PIBF1: variants seen among roughly 807,000 people sequenced by gnomAD.
PIBF1 encodes progesterone immunomodulatory binding factor 1.
In PIBF1, 90 loss-of-function variants were observed where a neutral mutation model predicts 112.5. That is an observed-to-expected ratio of 0.80 (90% CI 0.67 to 0.95). The LOEUF is 0.95. Among genes scored for constraint, PIBF1 ranks in the 40% least tolerant of loss-of-function variants. The pLI, the probability that PIBF1 is intolerant of heterozygous loss-of-function variation, is 0.00. For synonymous variants in PIBF1, 301 were observed against 288.6 expected (o/e 1.04, Z -0.44); for missense variants, 915 against 852.3 (o/e 1.07, Z -0.92).
rs112520261 is a variant in PIBF1 at position 72,977,553 on chromosome 13, G to A, written c.2049+3878G>A. On this transcript the variant is annotated intron_variant, in intron 16 of 17. Transcript: ENST00000326291. ...AGTGTCACTTAGTTCTGATTAGGCT[G>A]TATGTGTTCATGTAATGTGAAGTAA... 6.9e-3 allele frequency among the ~76,000 whole-genome samples: 1,057 copies of A among 152,298 alleles called. 23 individuals carry two copies. The highest frequency in any genetic ancestry group is 0.024 in the African/African-American group (993 of 41,554).
intron 4 of PIBF1, among the ~76,000 whole-genome samples, chr13:72,795,996 T>C (rs1000318791): frequency 2.0e-5 from 3 of 152,164 alleles, no homozygotes; most frequent in African/African-American, 7.2e-5. Flanking sequence ...AGGATTAATC[T>C]ATGGCAGTGG....
chr13:72,890,738 A>G (rs2040024162), intron 10 of PIBF1, among the ~76,000 whole-genome samples: 1 of 152,198 alleles, frequency 6.6e-6, no homozygotes, highest in South Asian at 2.1e-4. Context: ...GAGTCAACAA[A>G]GTAAAATGTG....
chr13:72,884,281 A>G (rs2039758259), intron 10 of PIBF1, among the ~76,000 whole-genome samples: 1 of 152,192 alleles, frequency 6.6e-6, no homozygotes, highest in Non-Finnish European at 1.5e-5. Flanking sequence ...TGCCAATTCA[A>G]GTTTCCTCTT....
intron 10 of PIBF1, among the ~76,000 whole-genome samples, chr13:72,882,805 T>C (rs1295714129): frequency 2.6e-5 from 4 of 152,312 alleles, no homozygotes; most frequent in African/African-American, 9.6e-5. Flanking sequence ...CTGATGAGGA[T>C]GTGGAGTAAA....
intron 15 of PIBF1, 84 bp from the exon 16 acceptor site, chr13:72,973,507 T>A: frequency 3.0e-6 from 2 of 669,978 alleles, no homozygotes; most frequent in South Asian, 4.0e-5. Context: ...ATCAGATTCA[T>A]GTTTATTCTT....
chr13:72,960,275 G>A (rs2042570158), intron 14 of PIBF1, among the ~76,000 whole-genome samples: 1 of 152,116 alleles, frequency 6.6e-6, no homozygotes, highest in Non-Finnish European at 1.5e-5. Context: ...GCCGGGCATG[G>A]TGGTGCATGC....
intron 17 of PIBF1, among the ~76,000 whole-genome samples, chr13:73,003,166 T>G (rs983114283): frequency 5.3e-5 from 8 of 152,062 alleles, no homozygotes; most frequent in Admixed American, 4.6e-4. Context: ...TAGATTAAGT[T>G]TATATAATTG....
chr13:72,989,835 A>G (rs2138997944), intron 16 of PIBF1, among the ~76,000 whole-genome samples: 1 of 152,256 alleles, frequency 6.6e-6, no homozygotes, highest in East Asian at 1.9e-4. Flanking sequence ...TTGATAATTG[A>G]AGTTGCGCAG....
intron 17 of PIBF1, among the ~76,000 whole-genome samples, chr13:73,009,757 G>A (rs1359504718): frequency 6.6e-6 from 1 of 152,144 alleles, no homozygotes; most frequent in Non-Finnish European, 1.5e-5. Context: ...CTATGAAGTA[G>A]CAAGGCAGTT....
intron 11 of PIBF1, among the ~76,000 whole-genome samples, chr13:72,895,685 C>G (rs995839820): frequency 2.0e-5 from 3 of 151,388 alleles, no homozygotes; most frequent in African/African-American, 7.3e-5. Flanking sequence ...AACAGCCCTT[C>G]TGGACATTAT....
intron 9 of PIBF1, chr13:72,835,971 C>T (rs1280765228): frequency 9.8e-6 from 3 of 307,604 alleles, no homozygotes; most frequent in East Asian, 9.1e-5. Context: ...TGGTGGCGGG[C>T]GCCTGTAATC....
chr13:72,985,401 C>T lies in PIBF1; in HGVS notation c.2049+11726C>T, dbSNP rs369015722. ...AAAAAAAAAAAAAAAAAAGCCAGGGCGGTGGCGGGTGCCTTGTAGTCCCAG... is the reference window on the plus strand; with the variant it reads ...AAAAAAAAAAAAAAAAAAGCCAGGGTGGTGGCGGGTGCCTTGTAGTCCCAG... On this transcript the variant is annotated intron_variant, in intron 16 of 17. Transcript: ENST00000326291. Among the ~76,000 whole-genome samples the T allele has an allele frequency of 7.1e-3, 956 of 135,424 alleles. 12 individuals are homozygous for T. Among genetic ancestry groups the T allele is most frequent in the African/African-American group, 0.025 (923 of 37,140 alleles). 88.8% of individuals were successfully genotyped at this position (135,424 alleles called of 152,430 possible).
At chr13:72,917,358 A>G (rs1011496244) in intron 13 of PIBF1, among the ~76,000 whole-genome samples, 192 bp downstream of exon 13, 4 of 151,902 alleles carry the variant, frequency 2.6e-5, no homozygotes, top group African/African-American at 9.7e-5. Flanking sequence ...AGTGGTTTGT[A>G]GAAGTGTGCA....
intron 5 of PIBF1, among the ~76,000 whole-genome samples, chr13:72,806,644 T>C (rs140382072): frequency 1.1e-4 from 17 of 152,322 alleles, no homozygotes; most frequent in African/African-American, 4.1e-4. Context: ...GTCCTTGTGA[T>C]GGTTTGCGGA....
At chr13:72,818,485 A>G (rs2138103583) in intron 5 of PIBF1, among the ~76,000 whole-genome samples, 1 of 152,226 alleles carries the variant, frequency 6.6e-6, no homozygotes, top group South Asian at 2.1e-4. Flanking sequence ...CTTGCCATCC[A>G]GAACTGATTT....
intron 14 of PIBF1, among the ~76,000 whole-genome samples, chr13:72,952,888 G>GA (rs71102891): frequency 0.78 from 110,491 of 141,258 alleles, 42,962 homozygotes; most frequent in Admixed American, 0.81. Context: ...GTGCCCTTAA[G>GA]AAAAAAAAAA....
chr13:72,853,059 T>A (rs908379805), intron 9 of PIBF1, among the ~76,000 whole-genome samples: 16 of 148,336 alleles, frequency 1.1e-4, no homozygotes, highest in Admixed American at 4.0e-4. Context: ...GAAGGAGATT[T>A]AAAAAAAAAA....
At chr13:72,980,142 G>C (rs926271097) in intron 16 of PIBF1, among the ~76,000 whole-genome samples, 3 of 152,132 alleles carry the variant, frequency 2.0e-5, no homozygotes, top group African/African-American at 7.2e-5. Context: ...GGAAATGTAG[G>C]TTCTTGTGCC....
chr13:72,863,953 G>T (rs1301748933), intron 10 of PIBF1, among the ~76,000 whole-genome samples: 3 of 152,158 alleles, frequency 2.0e-5, no homozygotes, highest in African/African-American at 7.2e-5. Context: ...TGGTTTAGGG[G>T]TATGTATACT....
Sources: gnomAD v4.1 joint callset for allele counts (sites outside exome capture counted in the v4.1 genomes callset) on GRCh38, gnomAD v4.1.1 for gene constraint, MANE v1.5 for transcripts, NCBI Gene and HGNC (gene_info 2026-07-23, HGNC 2026-07-21) for gene names.